The following GRM8 variants were observed in gnomAD, a reference collection of about 807,000 sequenced individuals.
The protein encoded by GRM8 is metabotropic glutamate receptor 8.
A neutral mutation model predicts 87.2 loss-of-function variants in GRM8; 47 were observed. The observed-to-expected ratio is 0.54, with a 90% confidence interval of 0.43 to 0.69. The LOEUF (loss-of-function observed/expected upper bound fraction) is 0.69. GRM8 is among the 30% of genes least tolerant of loss of function. The pLI is 0.00. For missense variants in GRM8, 1,019 were observed against 1,139.2 expected (o/e 0.89, Z 1.52); for synonymous variants, 396 against 404.5 (o/e 0.98, Z 0.25).
intron 6 of GRM8, among the ~76,000 whole-genome samples, chr7:126,775,145 T>C (rs1231282784): frequency 6.6e-6 from 1 of 152,126 alleles, no homozygotes; most frequent in Non-Finnish European, 1.5e-5. Context: ...TCCCTGAATT[T>C]TTCTGAATTA....
At chr7:126,886,200 C>G (rs986313020) in intron 6 of GRM8, among the ~76,000 whole-genome samples, 1 of 152,052 alleles carries the variant, frequency 6.6e-6, no homozygotes, top group African/African-American at 2.4e-5. Flanking sequence ...CTGAGCTTCC[C>G]CACATTATTG....
At chr7:126,892,344 T>A (rs1801122629) in intron 6 of GRM8, among the ~76,000 whole-genome samples, 1 of 152,022 alleles carries the variant, frequency 6.6e-6, no homozygotes, top group Admixed American at 6.6e-5. Context: ...TGTCCATGTG[T>A]TCTCATTGTT....
chr7:127,124,749 GC>G (rs1827269043), intron 2 of GRM8, among the ~76,000 whole-genome samples: 1 of 151,978 alleles, frequency 6.6e-6, no homozygotes, highest in Non-Finnish European at 1.5e-5. Context: ...TGCGCTTCTG[GC>G]CAAAACGAAA....
intron 3 of GRM8, among the ~76,000 whole-genome samples, chr7:126,990,930 A>T (rs1812599528): frequency 6.6e-6 from 1 of 152,226 alleles, no homozygotes; most frequent in South Asian, 2.1e-4. Flanking sequence ...GTGTTAGAGA[A>T]GTCAATTCTT....
intron 3 of GRM8, among the ~76,000 whole-genome samples, chr7:127,059,631 C>A (rs922296336): frequency 6.6e-6 from 1 of 152,058 alleles, no homozygotes; most frequent in Non-Finnish European, 1.5e-5. Flanking sequence ...CCACCGCGCC[C>A]GGCCCATATA....
chr7:127,046,387 T>A (rs572426632), intron 3 of GRM8, among the ~76,000 whole-genome samples: 17 of 148,144 alleles, frequency 1.1e-4, no homozygotes, highest in Non-Finnish European at 2.4e-4. Context: ...AAATAAAAAA[T>A]AAAAAAAAAA....
At chr7:126,940,455 G>A (rs943930693) in intron 3 of GRM8, among the ~76,000 whole-genome samples, 5 of 152,190 alleles carry the variant, frequency 3.3e-5, no homozygotes, top group Middle Eastern at 3.4e-3. Flanking sequence ...CATCTTGGCC[G>A]CATATGGTGG....
At chr7:126,595,928 C>T (rs73449250) in intron 8 of GRM8, among the ~76,000 whole-genome samples, 5,616 of 152,190 alleles carry the variant, frequency 0.037, 278 homozygotes, top group African/African-American at 0.12. Context: ...TTTCAGCTCA[C>T]GAGTTTGAGA....
At chr7:126,768,770 T>A (rs1818489097) in intron 7 of GRM8, among the ~76,000 whole-genome samples, 1 of 152,048 alleles carries the variant, frequency 6.6e-6, no homozygotes, top group Non-Finnish European at 1.5e-5. Context: ...TTGATCAATT[T>A]CATAATTGCA....
chr7:126,615,571 C>G (rs375287272), intron 7 of GRM8, among the ~76,000 whole-genome samples: 1 of 152,138 alleles, frequency 6.6e-6, no homozygotes, highest in Non-Finnish European at 1.5e-5. Context: ...TTAAAAGACA[C>G]AGACTGGCAA....
intron 7 of GRM8, among the ~76,000 whole-genome samples, chr7:126,730,048 T>G (rs1427920450): frequency 6.6e-6 from 1 of 151,996 alleles, no homozygotes. Flanking sequence ...ACAAAACACA[T>G]CGATCAAATA....
At chr7:126,676,954 CA>C (rs1360741963) in intron 7 of GRM8, among the ~76,000 whole-genome samples, 2 of 152,044 alleles carry the variant, frequency 1.3e-5, no homozygotes, top group Admixed American at 1.3e-4. Flanking sequence ...AAAATATTTG[CA>C]AACTATACAA....
At chr7:126,858,652 TTA>T (rs1461754623) in intron 6 of GRM8, among the ~76,000 whole-genome samples, 1 of 152,180 alleles carries the variant, frequency 6.6e-6, no homozygotes, top group African/African-American at 2.4e-5. Flanking sequence ...CTGCTTTAAG[TTA>T]TGTTTCCACT....
In GRM8 at chr7:126,459,843, C is replaced by T. The variant is rs149275763; in HGVS notation, c.2431-13471G>A. 1.5e-3 allele frequency among the ~76,000 whole-genome samples: 226 copies of T among 151,548 alleles called. 5 individuals are homozygous for T. The South Asian group carries it at 0.044, about 29-fold the overall frequency. ...AGGGTGGAAAGCATAAGACAACTAA[C>T]CACTTCCAACTCAGCCTCAAAGACT... is the stretch of plus-strand genomic sequence containing the variant. On this transcript the variant is annotated intron_variant, in intron 9 of 10. Transcript: ENST00000339582.
At chr7:127,170,600 T>C (rs1198740085) in intron 2 of GRM8, among the ~76,000 whole-genome samples, 2 of 152,070 alleles carry the variant, frequency 1.3e-5, no homozygotes, top group Non-Finnish European at 2.9e-5. Context: ...CAAATCCCCA[T>C]CAATCAATGA....
chr7:126,788,201 G>T (rs887313071), intron 6 of GRM8, among the ~76,000 whole-genome samples: 2 of 151,712 alleles, frequency 1.3e-5, no homozygotes, highest in Non-Finnish European at 2.9e-5. Context: ...CCTGAGGTCA[G>T]GATTTTGAGA....
In GRM8 at chr7:126,815,272, C is replaced by A. The variant is rs377399503; in HGVS notation, c.1157-45207G>T. Among the ~76,000 whole-genome samples the A allele has an allele frequency of 6.6e-4, 101 of 152,230 alleles. 1 individual carries two copies. Among genetic ancestry groups the A allele is most frequent in the African/African-American group, 2.2e-3 (90 of 41,536 alleles). On this transcript the variant is annotated intron_variant, in intron 6 of 10. Transcript: ENST00000339582. The stretch of plus-strand genomic sequence containing the variant: ...GCCCTGATTCTATAAATCATCAAGG[C>A]TGGAAATTCTGACTCAAATACAAGT...
At chr7:127,217,120 T>C (rs1353710036) in intron 2 of GRM8, among the ~76,000 whole-genome samples, 1 of 152,198 alleles carries the variant, frequency 6.6e-6, no homozygotes, top group Non-Finnish European at 1.5e-5. Context: ...GATGAATACA[T>C]AAATGGATAA....
At chr7:127,101,394 A>T (rs1825231563) in intron 3 of GRM8, among the ~76,000 whole-genome samples, 1 of 152,156 alleles carries the variant, frequency 6.6e-6, no homozygotes, top group South Asian at 2.1e-4. Context: ...CTCATGTGCA[A>T]TTGTAATCCC....
Sources: allele counts gnomAD v4.1 joint callset (sites outside exome capture counted in the v4.1 genomes callset), GRCh38; gene constraint gnomAD v4.1.1; transcripts MANE v1.5; gene names NCBI Gene and HGNC (gene_info 2026-07-23, HGNC 2026-07-21).